Variants in PRKCH observed in about 807,000 individuals in gnomAD.
PRKCH encodes the protein protein kinase C eta type.
In PRKCH, 28 loss-of-function variants were observed where a neutral mutation model predicts 82.5. The ratio of observed to expected loss-of-function variants is 0.34; its 90% CI spans 0.25 to 0.47. The LOEUF is 0.47. PRKCH is among the 20% of genes least tolerant of loss of function. The probability of loss-of-function intolerance (pLI) is 1.00; values close to 1 mark genes in which losing one functional copy is unlikely to be tolerated. For missense variants in PRKCH, 705 were observed against 881.8 expected (o/e 0.80, Z 2.54); for synonymous variants, 322 against 327.4 (o/e 0.98, Z 0.18).
intron 1 of PRKCH, among the ~76,000 whole-genome samples, chr14:61,237,870 C>G (rs866180421): frequency 6.6e-6 from 1 of 152,326 alleles, no homozygotes; most frequent in South Asian, 2.1e-4. Context: ...TGTCCTTAAC[C>G]TTGGCAAAAT....
In PRKCH at chr14:61,322,081, G is replaced by C; in HGVS notation, c.-21G>C. ...GCTGCGAAGCAGCGCGGCCCCCCGG[G>C]GCCGGGGCAGCGGCGCCGGCATGTC... On this transcript the variant is annotated 5_prime_UTR_variant, in exon 1 of 14. Transcript: ENST00000332981. The C allele has an allele frequency of 6.6e-7, 1 of 1,523,042 alleles. No individual in the cohort carries two copies. The highest frequency in any genetic ancestry group is 1.4e-5 in the African/African-American group (1 of 72,358). The allele number at this position is 1,523,042 out of a possible 1,614,324, so 94.3% of individuals were successfully genotyped here. A position where few individuals can be genotyped will look rare whatever the true frequency, so the allele number is the denominator to read the frequency against.
intron 5 of PRKCH, 71 bp from the exon 6 acceptor site, chr14:61,450,771 C>T (rs909061433): frequency 1.3e-6 from 2 of 1,549,396 alleles, no homozygotes; most frequent in African/African-American, 1.4e-5. Flanking sequence ...TTGATGGGCT[C>T]CTATTACAGT....
intron 1 of PRKCH, among the ~76,000 whole-genome samples, chr14:61,206,176 T>C (rs1222773689): frequency 1.3e-5 from 2 of 152,212 alleles, no homozygotes; most frequent in Non-Finnish European, 2.9e-5. Context: ...CTGTAACAAA[T>C]TATGAAAAAC....
chr14:61,443,572 T>C (rs1370213103), intron 3 of PRKCH, among the ~76,000 whole-genome samples: 2 of 152,166 alleles, frequency 1.3e-5, no homozygotes, highest in African/African-American at 4.8e-5. Context: ...AATCAGTAAA[T>C]TGGATAATCA....
chr14:61,401,599 C>CT (rs1594665773), intron 2 of PRKCH, among the ~76,000 whole-genome samples: 1 of 152,140 alleles, frequency 6.6e-6, no homozygotes, highest in South Asian at 2.1e-4. Flanking sequence ...TGGCACCAAA[C>CT]TATAAAGTCA....
At chr14:61,497,658 C>T (rs1263590771) in intron 10 of PRKCH, among the ~76,000 whole-genome samples, 1 of 152,142 alleles carries the variant, frequency 6.6e-6, no homozygotes, top group Non-Finnish European at 1.5e-5. Flanking sequence ...CCCATAGGCA[C>T]CCAGTGATTC....
chr14:61,390,504 C>G (rs1206197131), intron 1 of PRKCH, among the ~76,000 whole-genome samples: 1 of 152,220 alleles, frequency 6.6e-6, no homozygotes, highest in East Asian at 1.9e-4. Flanking sequence ...AACCCCATCT[C>G]TACTAAAAAA....
At chr14:61,446,505 A>G (rs547442781) in intron 4 of PRKCH, among the ~76,000 whole-genome samples, 19 of 152,378 alleles carry the variant, frequency 1.2e-4, no homozygotes, top group African/African-American at 4.1e-4. Flanking sequence ...CTATGTGTGG[A>G]TAAGAAAATC....
chr14:61,200,796 T>C (rs1002466458), intron 1 of PRKCH, among the ~76,000 whole-genome samples: 1 of 152,190 alleles, frequency 6.6e-6, no homozygotes, highest in Non-Finnish European at 1.5e-5. Flanking sequence ...TTATTGTTAA[T>C]CTCTTACTGT....
chr14:61,425,549 A>G (rs60024360), intron 2 of PRKCH, among the ~76,000 whole-genome samples: 2,147 of 152,308 alleles, frequency 0.014, 51 homozygotes, highest in East Asian at 0.14. Context: ...CTGTACCACC[A>G]TTGTATCTTG....
At chr14:61,303,012 A>ATTTTT (rs139375822) in intron 1 of PRKCH, 60,655 of 128,532 alleles carry the variant, frequency 0.47, 16,966 homozygotes, top group Non-Finnish European at 0.63. Context: ...TGTTCCTTCA[A>ATTTTT]TTTTTTTTTT....
chr14:61,395,939 G>T (rs2046773062), intron 2 of PRKCH, among the ~76,000 whole-genome samples: 1 of 152,082 alleles, frequency 6.6e-6, no homozygotes, highest in Non-Finnish European at 1.5e-5. Context: ...AATTAACCAG[G>T]TGTGGTGGTG....
chr14:61,414,279 T>A (rs943825986), intron 2 of PRKCH, among the ~76,000 whole-genome samples: 1 of 151,818 alleles, frequency 6.6e-6, no homozygotes, highest in African/African-American at 2.4e-5. Flanking sequence ...TTAATCTTTT[T>A]TTTTTTTTTT....
At chr14:61,342,217 AACT>A (rs1286310513) in intron 1 of PRKCH, among the ~76,000 whole-genome samples, 14 of 151,768 alleles carry the variant, frequency 9.2e-5, no homozygotes, top group African/African-American at 3.4e-4. Context: ...TTAAAGCCTC[AACT>A]ACTAATTAAA....
chr14:61,277,072 G>T (rs191598474), intron 1 of PRKCH, among the ~76,000 whole-genome samples: 2 of 152,214 alleles, frequency 1.3e-5, no homozygotes, highest in East Asian at 3.9e-4. Flanking sequence ...TGTAATCTCA[G>T]CTACTTGGGA....
At chr14:61,442,903 A>G (rs554067264) in intron 2 of PRKCH, among the ~76,000 whole-genome samples, 2 of 152,304 alleles carry the variant, frequency 1.3e-5, no homozygotes, top group South Asian at 4.1e-4. Context: ...GAGCCACTGC[A>G]CTTCAGCTTG....
chr14:61,197,519 G>C (rs1344981000), intron 1 of PRKCH, among the ~76,000 whole-genome samples: 3 of 152,122 alleles, frequency 2.0e-5, no homozygotes, highest in African/African-American at 7.2e-5. Context: ...ATGGTGAGCG[G>C]GCTGAGTGTG....
At chr14:61,526,443 C>A (rs1716358426) in intron 10 of PRKCH, among the ~76,000 whole-genome samples, 1 of 152,214 alleles carries the variant, frequency 6.6e-6, no homozygotes, top group African/African-American at 2.4e-5. Context: ...CTGCTTTAAC[C>A]ACACTTATTG....
chr14:61,415,367 AC>A (rs1882498844), intron 2 of PRKCH, among the ~76,000 whole-genome samples: 1 of 152,032 alleles, frequency 6.6e-6, no homozygotes, highest in Non-Finnish European at 1.5e-5. Context: ...GGGTCCCCCT[AC>A]CCCCCATCTC....
Sources: gnomAD v4.1 joint callset for allele counts (sites outside exome capture counted in the v4.1 genomes callset) on GRCh38, gnomAD v4.1.1 for gene constraint, MANE v1.5 for transcripts, NCBI Gene and HGNC (gene_info 2026-07-23, HGNC 2026-07-21) for gene names.